TLL1: variants seen among roughly 807,000 people sequenced by gnomAD.
TLL1 encodes tolloid-like protein 1.
Under a neutral mutation model 128.2 loss-of-function variants are expected in TLL1, and 49 were observed. The observed-to-expected ratio is 0.38, with a 90% CI of 0.30 to 0.48. The LOEUF (loss-of-function observed/expected upper bound fraction) is 0.48. Ranked by LOEUF, TLL1 falls within the 20% of genes least tolerant of loss-of-function variation. The pLI, the probability that TLL1 is intolerant of heterozygous loss-of-function variation, is 0.96. For synonymous variants in TLL1, 454 were observed against 418.8 expected, an observed-to-expected ratio of 1.08 and a Z score of -1.03; for missense variants, 1,123 against 1,242.0, an observed-to-expected ratio of 0.90 and a Z score of 1.44.
chr4:166,086,616 A>G (rs1208015073), intron 18 of TLL1, among the ~76,000 whole-genome samples: 1 of 152,120 alleles, frequency 6.6e-6, no homozygotes, highest in Non-Finnish European at 1.5e-5. Context: ...TTTTCTGTCA[A>G]TCCTGGATCC....
Position 166,102,628 on chromosome 4 carries a change from C to T in TLL1, c.*1752C>T, listed in dbSNP as rs912993478. On this transcript the variant is annotated 3_prime_UTR_variant, in exon 21 of 21. Transcript: ENST00000061240. ...TTTGTGTCTGTTACCTGTCCATGAG[C>T]ATACAACATTGAATACAATTGGGTG... The T allele has an allele frequency of 1.3e-5, 2 of 152,020 alleles. No individual in the cohort carries two copies. The highest frequency in any genetic ancestry group is 4.8e-5 in the African/African-American group (2 of 41,400). 9.4% of individuals were successfully genotyped at this position (152,020 alleles called of 1,614,324 possible).
intron 9 of TLL1, among the ~76,000 whole-genome samples, chr4:166,032,815 TGAAAAC>T (rs1182540564): frequency 6.6e-6 from 1 of 152,068 alleles, no homozygotes; most frequent in Non-Finnish European, 1.5e-5. Context: ...CAAATAAAAA[TGAAAAC>T]GGAGACTATT....
At chr4:166,095,906 T>C (rs543940915) in intron 19 of TLL1, among the ~76,000 whole-genome samples, 4 of 152,254 alleles carry the variant, frequency 2.6e-5, no homozygotes, top group African/African-American at 9.6e-5. Flanking sequence ...GGTAAATGAA[T>C]AGGTAGATTT....
chr4:165,878,420 G>C (rs1321420972), intron 1 of TLL1, among the ~76,000 whole-genome samples: 1 of 151,580 alleles, frequency 6.6e-6, no homozygotes, highest in Non-Finnish European at 1.5e-5. Context: ...CCAAAATACA[G>C]TGTTTGCAGA....
At chr4:165,994,993 G>T in intron 4 of TLL1, 68 bp from the exon 5 acceptor site, 1 of 1,275,930 alleles carries the variant, frequency 7.8e-7, no homozygotes, top group Non-Finnish European at 1.1e-6. Context: ...ACTTAGGGTA[G>T]AGGATGCAGC....
intron 1 of TLL1, among the ~76,000 whole-genome samples, chr4:165,920,622 T>C (rs1009961742): frequency 3.9e-5 from 6 of 152,202 alleles, no homozygotes; most frequent in African/African-American, 1.2e-4. Context: ...GGAATTTTCA[T>C]TAAAAACCGA....
intron 19 of TLL1, among the ~76,000 whole-genome samples, chr4:166,094,146 G>A (rs1741910787): frequency 6.6e-6 from 1 of 152,088 alleles, no homozygotes; most frequent in African/African-American, 2.4e-5. Context: ...TACACACATA[G>A]TTTACATAGA....
chr4:165,972,801 C>T (rs1735685252), intron 1 of TLL1, among the ~76,000 whole-genome samples: 1 of 152,142 alleles, frequency 6.6e-6, no homozygotes. Context: ...ATAATACCAC[C>T]TTCTACCATC....
chr4:166,041,802 G>A (rs1739253089), intron 10 of TLL1, among the ~76,000 whole-genome samples: 1 of 152,158 alleles, frequency 6.6e-6, no homozygotes. Flanking sequence ...ACATCAGTCA[G>A]CTACTCTGAG....
At chr4:165,976,494 A>G (rs912996388) in intron 1 of TLL1, among the ~76,000 whole-genome samples, 2 of 152,216 alleles carry the variant, frequency 1.3e-5, no homozygotes, top group African/African-American at 4.8e-5. Flanking sequence ...ATTAATTTAC[A>G]TAGACAATGC....
At chr4:165,923,163 A>T (rs78627819) in intron 1 of TLL1, among the ~76,000 whole-genome samples, 48 of 152,262 alleles carry the variant, frequency 3.2e-4, no homozygotes, top group African/African-American at 1.2e-3. Context: ...CATATGCAGT[A>T]ATCCCTAGGG....
At chr4:166,068,894 G>T (rs1740691750) in intron 16 of TLL1, among the ~76,000 whole-genome samples, 2 of 151,758 alleles carry the variant, frequency 1.3e-5, no homozygotes, top group African/African-American at 4.8e-5. Flanking sequence ...ATGAAACAGT[G>T]CATGCAGTGT....
rs566931908 is a variant in TLL1 at position 165,959,940 on chromosome 4, CAA to C, written c.170-29440_170-29439del. ...TATCACACCAAAGGAACTAAAGAAA[CAA>C]GAACAAACTAACCCGAAAGGTAACA... is the stretch of plus-strand genomic sequence containing the variant. On this transcript the variant is annotated intron_variant, in intron 1 of 20. Coordinates refer to ENST00000061240, the MANE Select transcript of TLL1 (RefSeq NM_012464.5). Among the ~76,000 whole-genome samples, 283 of 152,060 alleles carry C rather than the reference CAA, an allele frequency of 1.9e-3. 1 individual carries two copies. The highest frequency in any genetic ancestry group is 6.2e-3 in the African/African-American group (256 of 41,518).
intron 5 of TLL1, among the ~76,000 whole-genome samples, chr4:165,996,407 G>A (rs752930470): frequency 6.6e-6 from 1 of 152,052 alleles, no homozygotes; most frequent in Non-Finnish European, 1.5e-5. Flanking sequence ...TCAGGAGTTC[G>A]AGACCAGTCT....
chr4:166,003,081 A>G (rs912219374), intron 5 of TLL1, among the ~76,000 whole-genome samples: 2 of 152,216 alleles, frequency 1.3e-5, no homozygotes, highest in Non-Finnish European at 1.5e-5. Context: ...TCATCATGAT[A>G]TAAGTGTCAT....
At chr4:165,907,825 G>A (rs980697270) in intron 1 of TLL1, among the ~76,000 whole-genome samples, 1 of 152,210 alleles carries the variant, frequency 6.6e-6, no homozygotes, top group Admixed American at 6.5e-5. Context: ...TGGGATTGCA[G>A]GCGTGAGCCA....
At chr4:165,924,813 C>A (rs939224123) in intron 1 of TLL1, among the ~76,000 whole-genome samples, 11 of 152,236 alleles carry the variant, frequency 7.2e-5, no homozygotes, top group African/African-American at 2.6e-4. Context: ...TTGTTAGGAA[C>A]TAAGGCAGCT....
intron 2 of TLL1, among the ~76,000 whole-genome samples, chr4:165,991,040 A>C (rs549887578): frequency 6.9e-4 from 105 of 152,104 alleles, no homozygotes; most frequent in African/African-American, 2.5e-3. Context: ...AAAATGCTAG[A>C]GTTATTATAA....
intron 1 of TLL1, among the ~76,000 whole-genome samples, chr4:165,960,618 A>G (rs1735051340): frequency 6.6e-6 from 1 of 152,170 alleles, no homozygotes; most frequent in Non-Finnish European, 1.5e-5. Flanking sequence ...ATTCACCACA[A>G]TCAAATAGGT....
Sources: gnomAD v4.1 joint callset for allele counts (sites outside exome capture counted in the v4.1 genomes callset) on GRCh38, gnomAD v4.1.1 for gene constraint, MANE v1.5 for transcripts, NCBI Gene and HGNC (gene_info 2026-07-23, HGNC 2026-07-21) for gene names.